ZNF143: variants seen among roughly 807,000 people sequenced by gnomAD.
ZNF143 encodes the protein SPH-binding factor.
ZNF143 carries 49 observed loss-of-function variants against 74.1 expected under a neutral mutation model. The ratio of observed to expected loss-of-function variants is 0.66; its 90% CI spans 0.53 to 0.84. ZNF143 has a LOEUF of 0.84. Ranked by LOEUF, ZNF143 falls within the 40% of genes least tolerant of loss-of-function variation. ZNF143 has a pLI of 0.00. For synonymous variants in ZNF143, 304 were observed against 282.8 expected (o/e 1.07, Z -0.75); for missense variants, 637 against 793.4 (o/e 0.80, Z 2.37).
At chr11:9,520,894 T>C (rs1422331165) in intron 14 of ZNF143, among the ~76,000 whole-genome samples, 1 of 152,284 alleles carries the variant, frequency 6.6e-6, no homozygotes, top group Non-Finnish European at 1.5e-5. Flanking sequence ...GGTCTATCAT[T>C]GTGGTTTTAA....
In ZNF143 at chr11:9,527,342, T is replaced by C. The variant is rs145835813; in HGVS notation, c.1834-188T>C. On this transcript the variant is annotated intron_variant, in intron 15 of 15. Coordinates refer to ENST00000396602, the MANE Select transcript of ZNF143 (RefSeq NM_003442.6). The stretch of plus-strand genomic sequence containing the variant: ...ATTCAAAAAAGAAAAAGAAATTGCA[T>C]TGCATTATTCTCCCCTGCAGGAAAT... Among the ~76,000 whole-genome samples, 504 of 152,354 alleles carry C rather than the reference T, an allele frequency of 3.3e-3. 3 individuals carry two copies. The highest frequency in any genetic ancestry group is 7.6e-3 in the Admixed American group (116 of 15,302).
intron 14 of ZNF143, among the ~76,000 whole-genome samples, chr11:9,522,039 C>G (rs139110789): frequency 1.6e-3 from 225 of 140,552 alleles, no homozygotes; most frequent in African/African-American, 5.7e-3. Context: ...ACACTACAGC[C>G]TGGGCGACAG....
chr11:9,462,881 A>C (rs534166028), intron 1 of ZNF143, among the ~76,000 whole-genome samples: 1 of 152,184 alleles, frequency 6.6e-6, no homozygotes, highest in Non-Finnish European at 1.5e-5. Flanking sequence ...GTCTCAAAAA[A>C]AAAGTTGAAT....
intron 6 of ZNF143, 102 bp from the exon 7 acceptor site, chr11:9,479,370 T>C: frequency 1.1e-6 from 1 of 870,644 alleles, no homozygotes; most frequent in Middle Eastern, 2.5e-4. Flanking sequence ...CTTTTTTTTC[T>C]TTTTCTTTTT....
intron 7 of ZNF143, among the ~76,000 whole-genome samples, chr11:9,486,412 A>AT (rs1491276045): frequency 3.3e-3 from 63 of 19,264 alleles, no homozygotes; most frequent in African/African-American, 0.01. Context: ...TTATATATAT[A>AT]ATATATATTA....
intron 7 of ZNF143, among the ~76,000 whole-genome samples, chr11:9,484,315 T>G (rs1164341136): frequency 1.3e-5 from 2 of 151,354 alleles, no homozygotes; most frequent in Non-Finnish European, 2.9e-5. Flanking sequence ...TGCCTCAGCC[T>G]CCTGAGTAGC....
intron 1 of ZNF143, chr11:9,464,004 A>G (rs1856030392): frequency 6.6e-6 from 1 of 151,978 alleles, no homozygotes; most frequent in South Asian, 2.1e-4. Flanking sequence ...TATCTTGGAC[A>G]TGTTTCTCAC....
intron 1 of ZNF143, among the ~76,000 whole-genome samples, chr11:9,470,592 A>G (rs1479831495): frequency 6.6e-6 from 1 of 152,206 alleles, no homozygotes; most frequent in African/African-American, 2.4e-5. Context: ...AACATCCAAT[A>G]TGCTTGAGGA....
At chr11:9,500,816 T>C (rs1848131726) in intron 10 of ZNF143, among the ~76,000 whole-genome samples, 1 of 152,244 alleles carries the variant, frequency 6.6e-6, no homozygotes, top group South Asian at 2.1e-4. Flanking sequence ...TCTCTGCTTT[T>C]CTCAGCTCAT....
At chr11:9,472,931 T>TA (rs1554961508) in intron 3 of ZNF143, among the ~76,000 whole-genome samples, 162 bp downstream of exon 3, 27 of 151,348 alleles carry the variant, frequency 1.8e-4, no homozygotes, top group African/African-American at 3.6e-4. Context: ...TTTTTTTTTT[T>TA]ATAATTTGGA....
intron 9 of ZNF143, among the ~76,000 whole-genome samples, chr11:9,497,029 C>T (rs1847982729): frequency 6.6e-6 from 1 of 152,224 alleles, no homozygotes; most frequent in African/African-American, 2.4e-5. Context: ...GAGGCCTTTG[C>T]ATCCAGCAGG....
At chr11:9,475,932 G>A (rs1347668821) in intron 5 of ZNF143, among the ~76,000 whole-genome samples, 2 of 151,368 alleles carry the variant, frequency 1.3e-5, no homozygotes, top group African/African-American at 2.4e-5. Flanking sequence ...GTGTGTGTGT[G>A]TGTGTGTGTG....
At chr11:9,489,722 G>A (rs893916408) in intron 7 of ZNF143, among the ~76,000 whole-genome samples, 3 of 152,196 alleles carry the variant, frequency 2.0e-5, no homozygotes, top group African/African-American at 7.2e-5. Flanking sequence ...TGGAAAGCTG[G>A]TAAGCACTTT....
intron 14 of ZNF143, among the ~76,000 whole-genome samples, chr11:9,518,855 T>C (rs1309568439): frequency 6.6e-6 from 1 of 152,246 alleles, no homozygotes; most frequent in African/African-American, 2.4e-5. Context: ...GTTATGGATC[T>C]AAAAGCTTTC....
intron 11 of ZNF143, among the ~76,000 whole-genome samples, chr11:9,501,899 G>A (rs965387275): frequency 6.6e-6 from 1 of 151,348 alleles, no homozygotes; most frequent in Non-Finnish European, 1.5e-5. Flanking sequence ...AGCTTGTGAG[G>A]GGGCGGGGTG....
At chr11:9,491,566 G>C (rs1396543847) in intron 7 of ZNF143, among the ~76,000 whole-genome samples, 1 of 151,974 alleles carries the variant, frequency 6.6e-6, no homozygotes, top group Admixed American at 6.6e-5. Context: ...ATGAACTTGG[G>C]AGGCGGAGCT....
chr11:9,524,319 C>CCTT (rs1285150675), intron 14 of ZNF143, among the ~76,000 whole-genome samples: 8 of 152,172 alleles, frequency 5.3e-5, no homozygotes, highest in African/African-American at 1.9e-4. Context: ...CTCCTCAAAG[C>CCTT]CTTCATATAG....
At chr11:9,481,068 A>G (rs996566849) in intron 7 of ZNF143, among the ~76,000 whole-genome samples, 4 of 152,032 alleles carry the variant, frequency 2.6e-5, no homozygotes, top group Non-Finnish European at 4.4e-5. Flanking sequence ...TTCAGGTCTC[A>G]ATTCATATTC....
chr11:9,462,308 C>T (rs915749236), intron 1 of ZNF143, among the ~76,000 whole-genome samples: 10 of 149,650 alleles, frequency 6.7e-5, no homozygotes, highest in Middle Eastern at 3.5e-3. Flanking sequence ...TTTAAAATAG[C>T]TTTAGTGATG....
Sources: allele counts gnomAD v4.1 joint callset (sites outside exome capture counted in the v4.1 genomes callset), GRCh38; gene constraint gnomAD v4.1.1; transcripts MANE v1.5; gene names NCBI Gene and HGNC (gene_info 2026-07-23, HGNC 2026-07-21).